The following RNGTT variants were observed in gnomAD, a reference collection of about 807,000 sequenced individuals.
The protein encoded by RNGTT is RNA guanylyltransferase and 5'-phosphatase.
A neutral mutation model predicts 79.3 loss-of-function variants in RNGTT; 33 were observed. That is an observed-to-expected ratio of 0.42 (90% CI 0.32 to 0.56). The LOEUF (loss-of-function observed/expected upper bound fraction) is 0.56, where lower values mean the gene tolerates loss of function less well. RNGTT is among the 20% of genes least tolerant of loss of function. The pLI is 0.17. For missense variants in RNGTT, 497 were observed against 739.1 expected (o/e 0.67, Z 3.80); for synonymous variants, 222 against 235.9 (o/e 0.94, Z 0.54).
intron 1 of RNGTT, among the ~76,000 whole-genome samples, chr6:88,949,182 AATG>A (rs1785157320): frequency 6.9e-6 from 1 of 144,418 alleles, no homozygotes; most frequent in East Asian, 2.0e-4. Context: ...AAAAAAAGAA[AATG>A]AAAAGCTCTT....
chr6:88,897,715 G>A (rs1783299884), intron 6 of RNGTT, among the ~76,000 whole-genome samples: 1 of 152,154 alleles, frequency 6.6e-6, no homozygotes, highest in Non-Finnish European at 1.5e-5. Flanking sequence ...TTGACTTTTG[G>A]AGTGTTCTCA....
At chr6:88,854,081 T>C in intron 8 of RNGTT, among the ~76,000 whole-genome samples, 1 of 151,764 alleles carries the variant, frequency 6.6e-6, no homozygotes. Flanking sequence ...TGTGCCACCA[T>C]GCCCAGCTAA....
At chr6:88,904,357 T>G (rs1204309381) in intron 6 of RNGTT, among the ~76,000 whole-genome samples, 1 of 152,116 alleles carries the variant, frequency 6.6e-6, no homozygotes, top group Non-Finnish European at 1.5e-5. Context: ...AGGATCACTT[T>G]GAGCTCAGGA....
chr6:88,891,785 A>C, intron 7 of RNGTT, 21 bp downstream of exon 7: 1 of 1,457,738 alleles, frequency 6.9e-7, no homozygotes, highest in Non-Finnish European at 9.2e-7. Context: ...TTTTATTTAA[A>C]AATTTAAAAA....
rs61278180 is a variant in RNGTT at position 88,855,978 on chromosome 6, C to G, written c.897-2214G>C. On this transcript the variant is annotated intron_variant, in intron 8 of 15. Coordinates refer to ENST00000369485, the MANE Select transcript of RNGTT (RefSeq NM_003800.5). Reference sequence around the variant, plus strand: ...CTGCAAAAATGGCATGGAAGACACACAACCCATCATGTTGTTAAGGACTTA... The same window carrying G: ...CTGCAAAAATGGCATGGAAGACACAGAACCCATCATGTTGTTAAGGACTTA... Among the ~76,000 whole-genome samples the G allele has an allele frequency of 6.0e-3, 910 of 152,298 alleles. 8 individuals are homozygous for G. The highest frequency in any genetic ancestry group is 0.021 in the African/African-American group (872 of 41,550).
chr6:88,961,179 C>A (rs922614537), intron 1 of RNGTT, among the ~76,000 whole-genome samples: 1 of 152,214 alleles, frequency 6.6e-6, no homozygotes, highest in African/African-American at 2.4e-5. Flanking sequence ...GTGGTGGACG[C>A]TTCCTGCCCT....
intron 13 of RNGTT, among the ~76,000 whole-genome samples, chr6:88,742,994 G>A (rs1033542056): frequency 8.5e-5 from 13 of 152,156 alleles, no homozygotes; most frequent in Non-Finnish European, 1.5e-4. Context: ...AGGCATTACA[G>A]GGCTAGTCCT....
chr6:88,630,489 T>TA (rs1309004670), intron 14 of RNGTT, among the ~76,000 whole-genome samples: 1 of 152,228 alleles, frequency 6.6e-6, no homozygotes, highest in East Asian at 1.9e-4. Context: ...TCTAGTCCTC[T>TA]TCTGTAAGCT....
At chr6:88,930,361 T>A (rs980914722) in intron 2 of RNGTT, among the ~76,000 whole-genome samples, 1 of 151,774 alleles carries the variant, frequency 6.6e-6, no homozygotes, top group Non-Finnish European at 1.5e-5. Flanking sequence ...GACAATCTTA[T>A]TAAGAAGATG....
chr6:88,823,045 G>A (rs1049004773), intron 11 of RNGTT, among the ~76,000 whole-genome samples: 2 of 152,204 alleles, frequency 1.3e-5, no homozygotes, highest in Admixed American at 6.5e-5. Context: ...GTTTCTTTAC[G>A]CAAGACACAA....
chr6:88,670,794 C>A (rs1020419653), intron 14 of RNGTT, among the ~76,000 whole-genome samples: 1 of 152,156 alleles, frequency 6.6e-6, no homozygotes, highest in African/African-American at 2.4e-5. Flanking sequence ...TTCACGTGGA[C>A]CCCTCAGAGT....
chr6:88,889,324 T>C (rs990885555), intron 8 of RNGTT, among the ~76,000 whole-genome samples: 1 of 152,094 alleles, frequency 6.6e-6, no homozygotes, highest in African/African-American at 2.4e-5. Flanking sequence ...ATAAAATACT[T>C]AAACATTCTA....
chr6:88,659,173 C>A (rs1451818514), intron 14 of RNGTT, among the ~76,000 whole-genome samples: 6 of 152,122 alleles, frequency 3.9e-5, no homozygotes, highest in African/African-American at 1.4e-4. Flanking sequence ...CAGATCTATC[C>A]ACTGAAACAG....
At chr6:88,802,427 T>C (rs1395978365) in intron 11 of RNGTT, among the ~76,000 whole-genome samples, 3 of 152,250 alleles carry the variant, frequency 2.0e-5, no homozygotes, top group Non-Finnish European at 2.9e-5. Context: ...GTAGTTTTAA[T>C]GTATCTCTTT....
chr6:88,796,692 G>C (rs1779613345), intron 12 of RNGTT, among the ~76,000 whole-genome samples: 2 of 152,138 alleles, frequency 1.3e-5, no homozygotes, highest in African/African-American at 2.4e-5. Flanking sequence ...GAGAAGGAAA[G>C]GGGGATAGAA....
chr6:88,907,448 C>G (rs1783692297), intron 4 of RNGTT, among the ~76,000 whole-genome samples: 1 of 151,500 alleles, frequency 6.6e-6, no homozygotes, highest in African/African-American at 2.4e-5. Context: ...CTTCACATGC[C>G]CTCTCTCTTT....
At chr6:88,644,113 AT>A (rs1366811717) in intron 14 of RNGTT, among the ~76,000 whole-genome samples, 2 of 152,224 alleles carry the variant, frequency 1.3e-5, no homozygotes, top group African/African-American at 4.8e-5. Context: ...AGGAAGACTA[AT>A]AAAGAAGAAA....
intron 14 of RNGTT, among the ~76,000 whole-genome samples, chr6:88,672,138 TACA>T (rs1582309259): frequency 6.6e-6 from 1 of 151,632 alleles, no homozygotes; most frequent in African/African-American, 2.4e-5. Context: ...AAAGTTTCTG[TACA>T]ACAAAAGAAA....
At chr6:88,762,817 G>T (rs4707499) in intron 13 of RNGTT, among the ~76,000 whole-genome samples, 144,471 of 152,338 alleles carry the variant, frequency 0.95, 68,599 homozygotes, top group East Asian at 1. Flanking sequence ...AACAGAGAGA[G>T]AACCTGAGTA....
Sources: gnomAD v4.1 joint callset for allele counts (sites outside exome capture counted in the v4.1 genomes callset) on GRCh38, gnomAD v4.1.1 for gene constraint, MANE v1.5 for transcripts, NCBI Gene and HGNC (gene_info 2026-07-23, HGNC 2026-07-21) for gene names.